Variants in OTOGL observed in about 807,000 individuals in gnomAD.
The protein encoded by OTOGL is otogelin-like protein.
OTOGL carries 285 observed loss-of-function variants against 318.5 expected under a neutral mutation model. That is an observed-to-expected ratio of 0.89 (90% CI 0.81 to 0.99). The LOEUF (loss-of-function observed/expected upper bound fraction) is 0.99, where lower values mean the gene tolerates loss of function less well. OTOGL is among the 50% of genes least tolerant of loss of function. OTOGL has a pLI of 0.00. For synonymous variants in OTOGL, 987 were observed against 936.5 expected, an observed-to-expected ratio of 1.05 and a Z score of -0.99; for missense variants, 2,899 against 2,845.6, an observed-to-expected ratio of 1.02 and a Z score of -0.43.
At chr12:80,242,067 G>A (rs565423831) in intron 11 of OTOGL, among the ~76,000 whole-genome samples, 1 of 152,134 alleles carries the variant, frequency 6.6e-6, no homozygotes, top group Non-Finnish European at 1.5e-5. Flanking sequence ...GCCGAAACAT[G>A]TTGTCTTTGG....
At position 80,313,618 on chromosome 12, in the gene OTOGL, C is replaced by T; in HGVS notation, c.3593C>T (p.Ser1198Leu). Residue 1198 changes from serine to leucine, a missense_variant, in exon 31 of 59, where the codon TCA (serine) becomes TTA (leucine). Coordinates refer to ENST00000547103, the MANE Select transcript of OTOGL (RefSeq NM_001378609.3). ...CQEGISIHWR[S>L]STVCSLDCEY... ...GAAGGAATATCAATTCATTGGAGAT[C>T]ATCTACTGTTTGTTGTAAGTACCCT... The T allele has an allele frequency of 6.2e-7, 1 of 1,611,100 alleles. No individual in the cohort carries two copies. Among genetic ancestry groups the T allele is most frequent in the Non-Finnish European group, 8.5e-7 (1 of 1,178,068 alleles).
chr12:80,356,081 T>C (rs1027314010), intron 47 of OTOGL, 133 bp downstream of exon 47: 2 of 1,017,632 alleles, frequency 2.0e-6, no homozygotes, highest in African/African-American at 3.2e-5. Context: ...AAAGCAAGTT[T>C]TGTTTCATTA....
In OTOGL at chr12:80,358,684, C is replaced by G; in HGVS notation, c.6135C>G (p.Asn2045Lys). Reference protein sequence around the residue: ...CPQYYCVCEPNLCPMPLLNCA... With the variant: ...CPQYYCVCEPKLCPMPLLNCA... ...TTTTCTTTTTAGTATGTGAACCAAA[C>G]CTTTGTCCTATGCCATTACTCAACT... The change falls in exon 51 of 59, where the codon AAC becomes AAG. Residue 2045 changes from asparagine to lysine, a missense_variant. Asn to Lys is a moderately conservative substitution (Grantham distance 94). Transcript: ENST00000547103. The G allele has an allele frequency of 1.2e-6, 2 of 1,611,696 alleles. No individual in the cohort carries two copies. Among genetic ancestry groups the G allele is most frequent in the South Asian group, 2.2e-5 (2 of 90,884 alleles).
At chr12:80,301,373 T>C (rs1178562254) in intron 27 of OTOGL, among the ~76,000 whole-genome samples, 3 of 152,198 alleles carry the variant, frequency 2.0e-5, no homozygotes, top group African/African-American at 7.2e-5. Context: ...GCCTAAATTA[T>C]CTTCTTTTAC....
intron 16 of OTOGL, 45 bp downstream of exon 16, chr12:80,255,230 T>G (rs750751253): frequency 8.2e-6 from 11 of 1,349,392 alleles, no homozygotes; most frequent in Admixed American, 3.5e-5. Context: ...ATTCACTGAT[T>G]TTTGCTTAAA....
intron 1 of OTOGL, among the ~76,000 whole-genome samples, chr12:80,121,421 C>T (rs916293885): frequency 6.6e-6 from 1 of 152,164 alleles, no homozygotes; most frequent in Admixed American, 6.6e-5. Context: ...TTGACTCTAA[C>T]ACACTGCAAG....
intron 1 of OTOGL, among the ~76,000 whole-genome samples, chr12:80,198,628 A>G (rs991941766): frequency 6.6e-6 from 1 of 152,184 alleles, no homozygotes; most frequent in Non-Finnish European, 1.5e-5. Flanking sequence ...CCTTCTAAAT[A>G]AATAAACAAA....
At chr12:80,107,624 A>T (rs1370010696) in intron 1 of OTOGL, among the ~76,000 whole-genome samples, 1 of 152,146 alleles carries the variant, frequency 6.6e-6, no homozygotes, top group East Asian at 1.9e-4. Flanking sequence ...AATATGAATC[A>T]TTCTACCATA....
intron 1 of OTOGL, among the ~76,000 whole-genome samples, chr12:80,187,540 T>G (rs990695400): frequency 6.6e-6 from 1 of 152,248 alleles, no homozygotes; most frequent in Non-Finnish European, 1.5e-5. Flanking sequence ...ATTCTGGGGT[T>G]GTTAATTTTA....
At chr12:80,290,600 A>T (rs1288936400) in intron 26 of OTOGL, among the ~76,000 whole-genome samples, 1 of 152,210 alleles carries the variant, frequency 6.6e-6, no homozygotes, top group African/African-American at 2.4e-5. Flanking sequence ...ACTGTTAAAG[A>T]TGTTTGTTTA....
intron 43 of OTOGL, 47 bp downstream of exon 43, chr12:80,339,311 T>TTTG: frequency 1.8e-5 from 25 of 1,426,686 alleles, no homozygotes; most frequent in Admixed American, 4.7e-5. Context: ...TTTTTTTTTT[T>TTTG]TTTTTTTTTT....
At chr12:80,288,014 A>G (rs1200116941) in intron 26 of OTOGL, among the ~76,000 whole-genome samples, 1 of 152,044 alleles carries the variant, frequency 6.6e-6, no homozygotes, top group African/African-American at 2.4e-5. Flanking sequence ...ATATTTTGAT[A>G]TGTTTTTGCA....
chr12:80,288,744 C>G (rs191644429), intron 26 of OTOGL, among the ~76,000 whole-genome samples: 3 of 151,912 alleles, frequency 2.0e-5, no homozygotes, highest in Non-Finnish European at 2.9e-5. Context: ...TCAACTCCAC[C>G]AGGTCATTTA....
rs895557702 is a variant in OTOGL at position 80,378,596 on chromosome 12, T to C, written c.*548T>C. 3.9e-5 allele frequency: 6 copies of C among 152,708 alleles called. No individual in the cohort carries two copies. Among genetic ancestry groups the C allele is most frequent in the African/African-American group, 1.4e-4 (6 of 41,452 alleles). The allele number at this position is 152,708 out of a possible 1,614,324, so 9.5% of individuals were successfully genotyped here. A position where few individuals can be genotyped will look rare whatever the true frequency, so the allele number is the denominator to read the frequency against. On this transcript the variant is annotated 3_prime_UTR_variant, in exon 59 of 59. Transcript: ENST00000547103. ...CCCCTCATTTTGCAGGTGTAACAGA[T>C]AACCAGAGAAGCTGTGTGACTCGTA...
chr12:80,186,897 A>G (rs1174260257), intron 1 of OTOGL, among the ~76,000 whole-genome samples: 2 of 152,168 alleles, frequency 1.3e-5, no homozygotes, highest in Non-Finnish European at 2.9e-5. Flanking sequence ...TGAATGACTC[A>G]TCTTTTCCTT....
At chr12:80,111,679 C>T (rs569125543) in intron 1 of OTOGL, among the ~76,000 whole-genome samples, 1 of 152,080 alleles carries the variant, frequency 6.6e-6, no homozygotes, top group Non-Finnish European at 1.5e-5. Context: ...AGTCAGGTAG[C>T]GTGATGCCTC....
intron 18 of OTOGL, 26 bp downstream of exon 18, chr12:80,258,028 C>T (rs968204042): frequency 1.3e-6 from 2 of 1,534,414 alleles, no homozygotes; most frequent in Admixed American, 2.1e-5. Context: ...GCATAGTTAA[C>T]ATACTTAATG....
At chr12:80,342,284 A>C in intron 44 of OTOGL, 122 bp downstream of exon 44, 2 of 705,858 alleles carry the variant, frequency 2.8e-6, no homozygotes, top group Non-Finnish European at 4.6e-6. Context: ...ACCTTCTGTC[A>C]GTATGCTTTG....
At chr12:80,125,300 T>G (rs1870753910) in intron 1 of OTOGL, among the ~76,000 whole-genome samples, 1 of 152,252 alleles carries the variant, frequency 6.6e-6, no homozygotes, top group Admixed American at 6.5e-5. Flanking sequence ...GATAATCATG[T>G]GGCTTTTGTC....
Sources: gnomAD v4.1 joint callset for allele counts (sites outside exome capture counted in the v4.1 genomes callset) on GRCh38, gnomAD v4.1.1 for gene constraint, MANE v1.5 for transcripts, NCBI Gene and HGNC (gene_info 2026-07-23, HGNC 2026-07-21) for gene names.